Variants in TEKT5 observed in about 807,000 individuals in gnomAD.
The protein encoded by TEKT5 is tektin-5.
A neutral mutation model predicts 48.7 loss-of-function variants in TEKT5; 52 were observed. The ratio of observed to expected loss-of-function variants is 1.07; its 90% CI spans 0.86 to 1.35. The LOEUF is 1.35. Ranked by LOEUF, TEKT5 falls within the 40% of genes most tolerant of loss-of-function variation. The pLI, the probability that TEKT5 is intolerant of heterozygous loss-of-function variation, is 0.00. For missense variants in TEKT5, 831 were observed against 641.6 expected, an observed-to-expected ratio of 1.30 and a Z score of -3.19; for synonymous variants, 318 against 267.6, an observed-to-expected ratio of 1.19 and a Z score of -1.84.
intron 1 of TEKT5, among the ~76,000 whole-genome samples, chr16:10,692,125 G>C (rs1423251594): frequency 6.6e-6 from 1 of 152,030 alleles, no homozygotes; most frequent in African/African-American, 2.4e-5. Context: ...AGATGTCGAT[G>C]GTCCCCCTGC....
intron 5 of TEKT5, among the ~76,000 whole-genome samples, chr16:10,647,590 A>T (rs1474252900): frequency 2.6e-5 from 4 of 151,910 alleles, no homozygotes; most frequent in South Asian, 2.1e-4. Context: ...GTTGCTAGGG[A>T]AATCTAGAGA....
intron 5 of TEKT5, among the ~76,000 whole-genome samples, chr16:10,648,673 C>A (rs1021472121): frequency 6.6e-6 from 1 of 152,134 alleles, no homozygotes; most frequent in Non-Finnish European, 1.5e-5. Context: ...AGACAGTTAC[C>A]TCCTTGTCAA....
chr16:10,652,869 A>ACACACAC (rs1178174946), intron 5 of TEKT5, among the ~76,000 whole-genome samples: 1 of 88,896 alleles, frequency 1.1e-5, no homozygotes, highest in Non-Finnish European at 2.2e-5. Flanking sequence ...ACACACACAC[A>ACACACAC]CCCTCCAGGT....
At chr16:10,684,225 C>G (rs1898813224) in intron 3 of TEKT5, among the ~76,000 whole-genome samples, 1 of 152,150 alleles carries the variant, frequency 6.6e-6, no homozygotes, top group Non-Finnish European at 1.5e-5. Context: ...GAGGGTATGT[C>G]AGACACCAGC....
chr16:10,637,913 T>C (rs1367550246), intron 5 of TEKT5, among the ~76,000 whole-genome samples: 1 of 152,200 alleles, frequency 6.6e-6, no homozygotes, highest in African/African-American at 2.4e-5. Context: ...AGGGCTCAAA[T>C]GATCTTCCCG....
At chr16:10,630,624 T>A (rs1897825630) in intron 6 of TEKT5, among the ~76,000 whole-genome samples, 1 of 152,228 alleles carries the variant, frequency 6.6e-6, no homozygotes, top group Non-Finnish European at 1.5e-5. Context: ...AAGATCTATA[T>A]CTGCACCATC....
intron 5 of TEKT5, among the ~76,000 whole-genome samples, chr16:10,642,524 G>C (rs1898010510): frequency 6.6e-6 from 1 of 151,522 alleles, no homozygotes; most frequent in South Asian, 2.1e-4. Flanking sequence ...CCTCCTTCCT[G>C]AGCCACCCCA....
intron 5 of TEKT5, among the ~76,000 whole-genome samples, chr16:10,662,358 T>C (rs1040791045): frequency 6.6e-6 from 1 of 152,230 alleles, no homozygotes; most frequent in Non-Finnish European, 1.5e-5. Context: ...GAAGTGTCCC[T>C]ATTAACCTGA....
chr16:10,668,570 A>T (rs1898498243), intron 5 of TEKT5, among the ~76,000 whole-genome samples: 1 of 152,180 alleles, frequency 6.6e-6, no homozygotes, highest in South Asian at 2.1e-4. Context: ...GGCAGTAGAC[A>T]CGCAGGGCCT....
intron 1 of TEKT5, among the ~76,000 whole-genome samples, chr16:10,691,710 A>G (rs913721311): frequency 6.6e-6 from 1 of 152,086 alleles, no homozygotes; most frequent in Admixed American, 6.6e-5. Flanking sequence ...GCACTTTGGG[A>G]GGCTGAGGTG....
intron 4 of TEKT5, among the ~76,000 whole-genome samples, chr16:10,680,132 G>C (rs954806622): frequency 4.6e-5 from 7 of 152,242 alleles, no homozygotes; most frequent in African/African-American, 1.7e-4. Flanking sequence ...TCCCTGTGCA[G>C]ATGAGGGGGG....
chr16:10,681,865 T>C, intron 4 of TEKT5, 128 bp downstream of exon 4: 1 of 1,258,434 alleles, frequency 7.9e-7, no homozygotes, highest in Non-Finnish European at 1.1e-6. Context: ...CGCTAGAGGA[T>C]CCCCGTTCAA....
chr16:10,675,672 G>T (rs934711342), intron 5 of TEKT5, among the ~76,000 whole-genome samples: 6 of 152,330 alleles, frequency 3.9e-5, no homozygotes, highest in African/African-American at 1.2e-4. Context: ...GGCCACATGG[G>T]TCTTAGATGG....
At chr16:10,663,059 C>T (rs748668918) in intron 5 of TEKT5, among the ~76,000 whole-genome samples, 4 of 152,176 alleles carry the variant, frequency 2.6e-5, no homozygotes, top group Non-Finnish European at 5.9e-5. Flanking sequence ...ACCCTCAACC[C>T]TGCACCCAGA....
At chr16:10,633,502 G>A (rs937610483) in intron 6 of TEKT5, among the ~76,000 whole-genome samples, 1 of 152,106 alleles carries the variant, frequency 6.6e-6, no homozygotes, top group Admixed American at 6.6e-5. Flanking sequence ...CCTGCACCCA[G>A]GACCTAGACC....
intron 4 of TEKT5, among the ~76,000 whole-genome samples, chr16:10,676,908 G>A: frequency 6.6e-6 from 1 of 152,332 alleles, no homozygotes; most frequent in Admixed American, 6.5e-5. Flanking sequence ...AAACTGGAGG[G>A]CTGGGCCAGC....
chr16:10,653,686 G>A (rs1898208728), intron 5 of TEKT5, among the ~76,000 whole-genome samples: 1 of 152,196 alleles, frequency 6.6e-6, no homozygotes, highest in Admixed American at 6.5e-5. Flanking sequence ...GCCAAGGTGG[G>A]GAGATCACCT....
intron 2 of TEKT5, among the ~76,000 whole-genome samples, chr16:10,689,663 G>A (rs8053459): frequency 2.6e-5 from 4 of 151,770 alleles, no homozygotes; most frequent in Non-Finnish European, 5.9e-5. Context: ...TACAGCCTAT[G>A]ACATATAGTA....
At chr16:10,650,422 G>C (rs534430805) in intron 5 of TEKT5, among the ~76,000 whole-genome samples, 1 of 151,994 alleles carries the variant, frequency 6.6e-6, no homozygotes, top group Non-Finnish European at 1.5e-5. Context: ...TCTTTACGGG[G>C]CCTGTCTGCA....
Sources: gnomAD v4.1 joint callset for allele counts (sites outside exome capture counted in the v4.1 genomes callset) on GRCh38, gnomAD v4.1.1 for gene constraint, MANE v1.5 for transcripts, NCBI Gene and HGNC (gene_info 2026-07-23, HGNC 2026-07-21) for gene names.